CUX2: variants seen among roughly 807,000 people sequenced by gnomAD.
CUX2 encodes cut like homeobox 2, also known as homeobox protein cut-like 2.
Under a neutral mutation model 144.8 loss-of-function variants are expected in CUX2, and 40 were observed. The observed-to-expected ratio is 0.28, with a 90% CI of 0.21 to 0.36. CUX2 has a LOEUF of 0.36. Ranked by LOEUF, CUX2 falls within the 10% of genes least tolerant of loss-of-function variation. CUX2 has a pLI of 1.00. For missense variants in CUX2, 1,615 were observed against 1,994.0 expected (o/e 0.81, Z 3.62); for synonymous variants, 827 against 875.6 (o/e 0.94, Z 0.98).
chr12:111,270,487 G>A (rs1884586112), intron 4 of CUX2: 1 of 152,130 alleles, frequency 6.6e-6, no homozygotes, highest in Admixed American at 6.5e-5. Context: ...CGTGTTAAAA[G>A]CATAATTAAT....
rs1883772185 is a variant in CUX2 at position 111,255,477 on chromosome 12, C to A, written c.223-8284C>A. The stretch of plus-strand genomic sequence containing the variant: ...GAGTCCTGCAGCTCCTCCTGGCCTC[C>A]CGTCCCCCACCTACCTGCCGGCCTG... On this transcript the variant is annotated intron_variant, in intron 3 of 21. Coordinates refer to ENST00000261726, the MANE Select transcript of CUX2 (RefSeq NM_015267.4). The surrounding 1 kb of genome is among the most constrained non-coding windows in gnomAD (Gnocchi z 4.1). 6.6e-6 allele frequency among the ~76,000 whole-genome samples: 1 copy of A among 152,204 alleles called. No homozygotes were observed. Among genetic ancestry groups the A allele is most frequent in the African/African-American group, 2.4e-5 (1 of 41,464 alleles).
chr12:111,279,123 C>T (rs151029566), intron 4 of CUX2, among the ~76,000 whole-genome samples: 2 of 152,276 alleles, frequency 1.3e-5, no homozygotes, highest in African/African-American at 4.8e-5. Context: ...TCTAGAGCAG[C>T]CAACTGAACC....
At chr12:111,124,507 G>A (rs1874914220) in intron 1 of CUX2, among the ~76,000 whole-genome samples, 1 of 152,202 alleles carries the variant, frequency 6.6e-6, no homozygotes, top group Non-Finnish European at 1.5e-5. Flanking sequence ...ATGACCTACA[G>A]TCAAACAAGG....
intron 4 of CUX2, among the ~76,000 whole-genome samples, chr12:111,269,413 T>A (rs1884534571): frequency 1.3e-5 from 2 of 152,198 alleles, no homozygotes; most frequent in South Asian, 4.1e-4. Flanking sequence ...TAGCATTTAT[T>A]GAGTGCCTAC....
intron 1 of CUX2, among the ~76,000 whole-genome samples, chr12:111,083,768 G>A (rs1024550828): frequency 2.6e-5 from 4 of 152,092 alleles, no homozygotes; most frequent in Admixed American, 1.3e-4. Flanking sequence ...AGGGAAGCAC[G>A]GGAGTTTGTA....
At chr12:111,323,844 G>A (rs1423706518) in intron 18 of CUX2, among the ~76,000 whole-genome samples, 5 of 152,252 alleles carry the variant, frequency 3.3e-5, no homozygotes, top group South Asian at 2.1e-4. Context: ...ATCTCTTGAA[G>A]CCTGGAGTTT....
chr12:111,187,684 ACTCAGTCTCC>A (rs1400119310), intron 1 of CUX2, among the ~76,000 whole-genome samples: 2 of 152,000 alleles, frequency 1.3e-5, no homozygotes, highest in Non-Finnish European at 2.9e-5. Flanking sequence ...CTGAGGTGCC[ACTCAGTCTCC>A]TGAGTGGCAT....
At chr12:111,308,908 G>A (rs184497745) in intron 14 of CUX2, among the ~76,000 whole-genome samples, 6 of 152,148 alleles carry the variant, frequency 3.9e-5, no homozygotes, top group East Asian at 3.9e-4. Flanking sequence ...TCAGCCACCC[G>A]CTGACTTTTT....
chr12:111,146,248 G>A (rs1876661563), intron 1 of CUX2, among the ~76,000 whole-genome samples: 1 of 152,154 alleles, frequency 6.6e-6, no homozygotes, highest in Admixed American at 6.5e-5. Flanking sequence ...TACATGCTAT[G>A]GGTTTGGACA....
chr12:111,168,532 A>T (rs888743902), intron 1 of CUX2, among the ~76,000 whole-genome samples: 12 of 152,162 alleles, frequency 7.9e-5, no homozygotes, highest in African/African-American at 2.9e-4. Flanking sequence ...AGGGTGGCCC[A>T]TGTGGCTCAG....
intron 19 of CUX2, among the ~76,000 whole-genome samples, chr12:111,337,875 A>G (rs1477386986): frequency 6.6e-6 from 1 of 152,046 alleles, no homozygotes. Flanking sequence ...TCTCTACTAA[A>G]AATACAAAAA....
At chr12:111,324,560 G>T (rs1173124160) in intron 18 of CUX2, among the ~76,000 whole-genome samples, 1 of 151,840 alleles carries the variant, frequency 6.6e-6, no homozygotes, top group Non-Finnish European at 1.5e-5. Context: ...GAGTGCAATG[G>T]CATGATCTCG....
At chr12:111,296,420 C>G in intron 7 of CUX2, 53 bp from the exon 8 acceptor site, 1 of 1,534,942 alleles carries the variant, frequency 6.5e-7, no homozygotes. Flanking sequence ...CTGGGAGACC[C>G]AGCTCCTTCC....
chr12:111,118,935 A>C (rs1355425389), intron 1 of CUX2, among the ~76,000 whole-genome samples: 1 of 152,188 alleles, frequency 6.6e-6, no homozygotes, highest in Non-Finnish European at 1.5e-5. Flanking sequence ...GCAAAAAAAC[A>C]TGGGCTATCA....
intron 3 of CUX2, among the ~76,000 whole-genome samples, chr12:111,225,824 G>A (rs1197242585): frequency 6.6e-6 from 1 of 152,206 alleles, no homozygotes; most frequent in Non-Finnish European, 1.5e-5. Context: ...TGTGATTCGA[G>A]CCCAAGTCTG....
chr12:111,258,022 G>GT (rs1883926910), intron 3 of CUX2, among the ~76,000 whole-genome samples: 1 of 152,198 alleles, frequency 6.6e-6, no homozygotes, highest in Admixed American at 6.5e-5. Flanking sequence ...TATCCTATGT[G>GT]ATTAGAAGAA....
chr12:111,306,253 C>T (rs573208800), intron 10 of CUX2, among the ~76,000 whole-genome samples: 7 of 151,904 alleles, frequency 4.6e-5, no homozygotes, highest in South Asian at 2.1e-4. Flanking sequence ...TAATGGCATC[C>T]GCTTCCTGTT....
At chr12:111,162,409 A>G (rs1877835499) in intron 1 of CUX2, among the ~76,000 whole-genome samples, 1 of 152,218 alleles carries the variant, frequency 6.6e-6, no homozygotes, top group South Asian at 2.1e-4. Context: ...GAGCCTGTGC[A>G]TGGAGCCCTG....
At chr12:111,110,265 A>G (rs1165277711) in intron 1 of CUX2, among the ~76,000 whole-genome samples, 1 of 152,136 alleles carries the variant, frequency 6.6e-6, no homozygotes, top group Admixed American at 6.5e-5. Flanking sequence ...GTTGGATGCT[A>G]CATGCTTTTG....
Sources: allele counts gnomAD v4.1 joint callset (sites outside exome capture counted in the v4.1 genomes callset), GRCh38; gene constraint gnomAD v4.1.1; non-coding constraint Gnocchi (gnomAD v3.1); transcripts MANE v1.5; gene names NCBI Gene and HGNC (gene_info 2026-07-23, HGNC 2026-07-21).